The following CC2D2A variants were observed in gnomAD, a reference collection of about 807,000 sequenced individuals.
CC2D2A encodes coiled-coil and C2 domain containing 2A.
CC2D2A carries 155 observed loss-of-function variants against 212.9 expected under a neutral mutation model. The ratio of observed to expected loss-of-function variants is 0.73; its 90% CI spans 0.64 to 0.83. The LOEUF is 0.83. Among genes scored for constraint, CC2D2A ranks in the 40% least tolerant of loss-of-function variants. The probability of loss-of-function intolerance (pLI) is 0.00; values close to 1 mark genes in which losing one functional copy is unlikely to be tolerated. For synonymous variants in CC2D2A, 667 were observed against 686.5 expected, an observed-to-expected ratio of 0.97 and a Z score of 0.44; for missense variants, 1,856 against 1,956.2, an observed-to-expected ratio of 0.95 and a Z score of 0.97.
chr4:15,555,050 T>C (rs1465456783), intron 19 of CC2D2A, 22 bp from the exon 20 acceptor site: 1 of 1,598,050 alleles, frequency 6.3e-7, no homozygotes, highest in East Asian at 2.3e-5. Context: ...GTCAGTCTCA[T>C]GGAATCAACT....
At chr4:15,525,656 GTTTTTC>G (rs1343713818) in intron 11 of CC2D2A, among the ~76,000 whole-genome samples, 2 of 152,134 alleles carry the variant, frequency 1.3e-5, no homozygotes, top group African/African-American at 4.8e-5. Flanking sequence ...TGTCCCAGTG[GTTTTTC>G]CTTCTATAAA....
chr4:15,489,656 C>T (rs1387752915), intron 4 of CC2D2A, among the ~76,000 whole-genome samples: 1 of 152,122 alleles, frequency 6.6e-6, no homozygotes, highest in African/African-American at 2.4e-5. Flanking sequence ...TTTTTGTCTC[C>T]AGTCCTCTCT....
At chr4:15,560,276 C>G (rs1719507560) in intron 22 of CC2D2A, among the ~76,000 whole-genome samples, 1 of 152,010 alleles carries the variant, frequency 6.6e-6, no homozygotes, top group Non-Finnish European at 1.5e-5. Context: ...ATCTTATATG[C>G]CGGGAACTTT....
chr4:15,508,944 G>C (rs1468306439), intron 6 of CC2D2A, among the ~76,000 whole-genome samples: 1 of 152,172 alleles, frequency 6.6e-6, no homozygotes, highest in Non-Finnish European at 1.5e-5. Context: ...TTTAGATTGT[G>C]CTTCATGAAA....
chr4:15,576,305 A>G (rs1720402457), intron 29 of CC2D2A: 1 of 749,504 alleles, frequency 1.3e-6, no homozygotes. Context: ...AGGAAAGAGA[A>G]GGTCTCATCC....
intron 1 of CC2D2A, among the ~76,000 whole-genome samples, chr4:15,474,811 A>G (rs1468254570): frequency 6.6e-6 from 1 of 152,228 alleles, no homozygotes; most frequent in East Asian, 1.9e-4. Flanking sequence ...TGATCACTGG[A>G]CATGGCAACG....
chr4:15,596,334 CAA>C, intron 34 of CC2D2A, 127 bp downstream of exon 34: 1 of 719,966 alleles, frequency 1.4e-6, no homozygotes, highest in African/African-American at 1.8e-5. Context: ...CATCTGAGCT[CAA>C]CTCACAACAA....
intron 18 of CC2D2A, among the ~76,000 whole-genome samples, chr4:15,551,767 C>A (rs992056657): frequency 4.6e-5 from 7 of 152,172 alleles, no homozygotes; most frequent in Non-Finnish European, 5.9e-5. Flanking sequence ...CATTCCAATA[C>A]CTATCTACTT....
chr4:15,493,950 C>A (rs1241577749), intron 4 of CC2D2A, among the ~76,000 whole-genome samples: 7 of 152,190 alleles, frequency 4.6e-5, no homozygotes, highest in Non-Finnish European at 1.0e-4. Flanking sequence ...ATCATTTCTA[C>A]TCTTGGAAAT....
At chr4:15,582,306 T>C (rs1419812592) in intron 30 of CC2D2A, among the ~76,000 whole-genome samples, 1 of 152,008 alleles carries the variant, frequency 6.6e-6, no homozygotes, top group Non-Finnish European at 1.5e-5. Context: ...TTATTTGGAA[T>C]ACAGCACACA....
intron 11 of CC2D2A, among the ~76,000 whole-genome samples, chr4:15,524,663 G>A (rs10005331): frequency 0.86 from 130,618 of 151,426 alleles, 56,867 homozygotes; most frequent in Non-Finnish European, 0.91. Context: ...GTGTTAGCCA[G>A]GATGGTCTCG....
rs552742805 is a variant in CC2D2A at position 15,518,819 on chromosome 4, C to T, written c.1149+2063C>T. 2.0e-5 allele frequency among the ~76,000 whole-genome samples: 3 copies of T among 152,298 alleles called. No homozygotes were observed. In the South Asian group the frequency reaches 6.2e-4, roughly 32 times the overall value. On this transcript the variant is annotated intron_variant, in intron 11 of 36. Coordinates refer to ENST00000424120, the MANE Select transcript of CC2D2A (RefSeq NM_001378615.1). ...TTAGTCATGGCTGGAGTAGCTGGGA[C>T]ACAGGGCATCAAGTCCCTAGACTGC...
chr4:15,475,633 C>G (rs1289824956), intron 1 of CC2D2A, among the ~76,000 whole-genome samples: 1 of 152,086 alleles, frequency 6.6e-6, no homozygotes, highest in Non-Finnish European at 1.5e-5. Context: ...CGGAGATGAG[C>G]TGTAAAATGG....
chr4:15,522,378 T>C (rs768630842), intron 11 of CC2D2A, among the ~76,000 whole-genome samples: 57 of 152,132 alleles, frequency 3.7e-4, no homozygotes, highest in Non-Finnish European at 7.2e-4. Flanking sequence ...CCCGTTTGAG[T>C]CAAGCCCAGT....
intron 4 of CC2D2A, chr4:15,492,650 G>T: frequency 3.5e-6 from 2 of 563,604 alleles, no homozygotes; most frequent in South Asian, 1.6e-5. Context: ...ACTAAGGGCG[G>T]CAGGGACTCC....
chr4:15,534,175 AT>A (rs1274127507), intron 14 of CC2D2A, among the ~76,000 whole-genome samples: 1 of 152,062 alleles, frequency 6.6e-6, no homozygotes, highest in Non-Finnish European at 1.5e-5. Context: ...TGGATTATTT[AT>A]CTTGTTATCT....
chr4:15,484,102 A>C (rs1200779520), intron 4 of CC2D2A, among the ~76,000 whole-genome samples: 1 of 152,262 alleles, frequency 6.6e-6, no homozygotes, highest in Non-Finnish European at 1.5e-5. Flanking sequence ...GAAGTAAACT[A>C]GATAAACATA....
In CC2D2A at chr4:15,556,744, G is replaced by T. The variant is rs139273885; in HGVS notation, c.2626-560G>T. The stretch of plus-strand genomic sequence containing the variant: ...TCAGCTTCTCAGAGGTGCCAGACTT[G>T]GCCTTCTTGAGACAATGCACAGGGG... On this transcript the variant is annotated intron_variant, in intron 20 of 36. Coordinates refer to ENST00000424120, the MANE Select transcript of CC2D2A (RefSeq NM_001378615.1). Among the ~76,000 whole-genome samples, 424 of 152,278 alleles carry T rather than the reference G, an allele frequency of 2.8e-3. 6 individuals are homozygous for T. The highest frequency in any genetic ancestry group is 9.9e-3 in the African/African-American group (412 of 41,562).
chr4:15,598,412 A>T (rs1721413403), intron 35 of CC2D2A, among the ~76,000 whole-genome samples: 1 of 152,240 alleles, frequency 6.6e-6, no homozygotes, highest in African/African-American at 2.4e-5. Context: ...TTTGAATCCA[A>T]GCTCCTTTGC....
Sources: allele counts gnomAD v4.1 joint callset (sites outside exome capture counted in the v4.1 genomes callset), GRCh38; gene constraint gnomAD v4.1.1; transcripts MANE v1.5; gene names NCBI Gene and HGNC (gene_info 2026-07-23, HGNC 2026-07-21).